Variants in NAALADL2 observed in about 807,000 individuals in gnomAD.
NAALADL2 encodes the protein inactive N-acetylated-alpha-linked acidic dipeptidase-like protein 2.
NAALADL2 carries 76 observed loss-of-function variants against 87.2 expected under a neutral mutation model. That is an observed-to-expected ratio of 0.87 (90% confidence interval 0.72 to 1.05). The LOEUF (loss-of-function observed/expected upper bound fraction) is 1.05. NAALADL2 is among the 50% of genes least tolerant of loss of function. NAALADL2 has a pLI of 0.00. For missense variants in NAALADL2, 1,089 were observed against 945.8 expected, an observed-to-expected ratio of 1.15 and a Z score of -1.99; for synonymous variants, 354 against 331.0, an observed-to-expected ratio of 1.07 and a Z score of -0.75.
intron 11 of NAALADL2, among the ~76,000 whole-genome samples, chr3:175,701,424 G>A (rs1245088315): frequency 2.0e-5 from 3 of 152,198 alleles, no homozygotes; most frequent in East Asian, 1.9e-4. Flanking sequence ...TCTGGCCATC[G>A]TCAATTTGTA....
intron 1 of NAALADL2, among the ~76,000 whole-genome samples, chr3:175,007,909 C>G (rs1037860258): frequency 6.6e-6 from 1 of 152,000 alleles, no homozygotes; most frequent in Non-Finnish European, 1.5e-5. Flanking sequence ...ACTCAAGCAC[C>G]GCACCACAGC....
intron 4 of NAALADL2, among the ~76,000 whole-genome samples, chr3:175,320,976 A>G (rs1477609612): frequency 1.7e-4 from 25 of 151,498 alleles, no homozygotes; most frequent in Middle Eastern, 3.4e-3. Flanking sequence ...ATCCTCCCTA[A>G]CTCATTTTAT....
At chr3:175,518,060 TC>T (rs1181315802) in intron 9 of NAALADL2, among the ~76,000 whole-genome samples, 1 of 152,172 alleles carries the variant, frequency 6.6e-6, no homozygotes, top group Non-Finnish European at 1.5e-5. Context: ...ACATGCCTAG[TC>T]CCAGATAGCC....
intron 2 of NAALADL2, among the ~76,000 whole-genome samples, chr3:175,209,316 G>A (rs1295446199): frequency 6.6e-6 from 1 of 152,102 alleles, no homozygotes; most frequent in Non-Finnish European, 1.5e-5. Context: ...GAGTCTGGAA[G>A]TGATGCTATA....
Position 175,013,286 on chromosome 3 carries a change from T to C in NAALADL2, c.44-83504T>C, listed in dbSNP as rs1338697979. Among the ~76,000 whole-genome samples the C allele has an allele frequency of 7.0e-5, 6 of 85,516 alleles. No homozygotes were observed. The South Asian group carries it at 1.0e-3, about 15-fold the overall frequency. The allele number at this position is 85,516 out of a possible 152,430, so 56.1% of individuals were successfully genotyped here. On this transcript the variant is annotated intron_variant, in intron 1 of 13. Transcript: ENST00000454872. ...ATATTTTTATATATATACATATATA[T>C]ATATATATATATATATTTTTTTTTT...
intron 11 of NAALADL2, among the ~76,000 whole-genome samples, chr3:175,678,272 T>G (rs1342775524): frequency 6.6e-6 from 1 of 152,094 alleles, no homozygotes; most frequent in Non-Finnish European, 1.5e-5. Context: ...AAGTAAAAAA[T>G]AGTGGTTCAT....
chr3:174,960,062 C>T (rs183162420), intron 1 of NAALADL2, among the ~76,000 whole-genome samples: 133 of 152,006 alleles, frequency 8.7e-4, no homozygotes, highest in African/African-American at 3.0e-3. Flanking sequence ...CTGCAGACCC[C>T]GTAGTTAATG....
At chr3:174,519,634 GT>G (rs1449639290) in intron 1 of NAALADL2, among the ~76,000 whole-genome samples, 1 of 151,174 alleles carries the variant, frequency 6.6e-6, no homozygotes, top group African/African-American at 2.4e-5. Context: ...CCTGGCCAGG[GT>G]TTTTTTTAAT....
intron 5 of NAALADL2, among the ~76,000 whole-genome samples, chr3:175,384,234 T>C (rs1047186314): frequency 3.9e-5 from 6 of 152,044 alleles, no homozygotes; most frequent in African/African-American, 1.4e-4. Context: ...ATATTCCTAT[T>C]GTCTGCATTA....
At chr3:174,959,496 T>A (rs1206867382) in intron 1 of NAALADL2, among the ~76,000 whole-genome samples, 3 of 151,956 alleles carry the variant, frequency 2.0e-5, no homozygotes, top group Non-Finnish European at 4.4e-5. Context: ...TTCACAAAAT[T>A]TAACAAGATT....
intron 11 of NAALADL2, among the ~76,000 whole-genome samples, chr3:175,712,945 C>T (rs899987265): frequency 1.3e-5 from 2 of 152,158 alleles, no homozygotes; most frequent in Admixed American, 6.6e-5. Context: ...GCTTTTGCAG[C>T]ATAATGAAGT....
intron 9 of NAALADL2, among the ~76,000 whole-genome samples, chr3:175,506,755 A>C (rs935144339): frequency 3.3e-5 from 5 of 152,218 alleles, no homozygotes; most frequent in African/African-American, 1.2e-4. Flanking sequence ...TATACTTCAT[A>C]GATACATGTT....
intron 1 of NAALADL2, among the ~76,000 whole-genome samples, chr3:174,950,607 C>G (rs746216826): frequency 6.6e-6 from 1 of 152,074 alleles, no homozygotes; most frequent in Non-Finnish European, 1.5e-5. Context: ...TTGAAGAGTT[C>G]AAAGCCTTTT....
chr3:174,922,874 T>C (rs747168510), intron 1 of NAALADL2, among the ~76,000 whole-genome samples: 50 of 152,210 alleles, frequency 3.3e-4, no homozygotes, highest in East Asian at 1.2e-3. Context: ...TCAAGACTTA[T>C]CAGTATGTCT....
intron 2 of NAALADL2, among the ~76,000 whole-genome samples, chr3:174,608,996 A>G (rs1024960703): frequency 1.3e-5 from 2 of 151,432 alleles, no homozygotes; most frequent in African/African-American, 4.8e-5. Context: ...CTGGGATGCA[A>G]GGCTGGTTCA....
At chr3:174,758,800 T>C (rs1031198516) in intron 3 of NAALADL2, among the ~76,000 whole-genome samples, 1 of 152,222 alleles carries the variant, frequency 6.6e-6, no homozygotes, top group African/African-American at 2.4e-5. Flanking sequence ...GGATAACAAC[T>C]TCTTTTCATT....
chr3:175,781,904 G>A (rs1278028491), intron 13 of NAALADL2, among the ~76,000 whole-genome samples: 1 of 137,760 alleles, frequency 7.3e-6, no homozygotes, highest in African/African-American at 2.7e-5. Flanking sequence ...TCCTTCCTGT[G>A]TCCATGTGAT....
chr3:175,026,050 A>G (rs1450917792), intron 1 of NAALADL2, among the ~76,000 whole-genome samples: 1 of 152,056 alleles, frequency 6.6e-6, no homozygotes, highest in Non-Finnish European at 1.5e-5. Flanking sequence ...GGCTCAAACC[A>G]TACACTTGCC....
intron 3 of NAALADL2, among the ~76,000 whole-genome samples, chr3:174,756,343 C>T (rs1027587664): frequency 2.6e-5 from 4 of 152,114 alleles, no homozygotes; most frequent in African/African-American, 7.2e-5. Context: ...TTTTCTATTT[C>T]GTGGCTCTGC....
Sources: allele counts gnomAD v4.1 joint callset (sites outside exome capture counted in the v4.1 genomes callset), GRCh38; gene constraint gnomAD v4.1.1; transcripts MANE v1.5; gene names NCBI Gene and HGNC (gene_info 2026-07-23, HGNC 2026-07-21).